Variants in EIPR1 observed in about 807,000 individuals in gnomAD.
EIPR1 encodes the protein EARP and GARP complex-interacting protein 1.
A neutral mutation model predicts 48.1 loss-of-function variants in EIPR1; 25 were observed. The observed-to-expected ratio is 0.52, with a 90% CI of 0.38 to 0.73. The LOEUF (loss-of-function observed/expected upper bound fraction) is 0.73, where lower values mean the gene tolerates loss of function less well. Ranked by LOEUF, EIPR1 falls within the 30% of genes least tolerant of loss-of-function variation. EIPR1 has a pLI of 0.00. For synonymous variants in EIPR1, 204 were observed against 201.9 expected, an observed-to-expected ratio of 1.01 and a Z score of -0.09; for missense variants, 415 against 506.2, an observed-to-expected ratio of 0.82 and a Z score of 1.73.
In EIPR1 at chr2:3,275,085, G is replaced by A. The variant is rs1031636363; in HGVS notation, c.260-17630C>T. Among the ~76,000 whole-genome samples the A allele has an allele frequency of 6.6e-5, 10 of 152,234 alleles. No individual in the cohort carries two copies. In the East Asian group the frequency reaches 1.2e-3, roughly 18 times the overall value. On this transcript the variant is annotated intron_variant, in intron 3 of 8. Transcript: ENST00000382125. The stretch of plus-strand genomic sequence containing the variant: ...GACAGGAATTATTACAAATAGATCA[G>A]TATTCACAATAACTATAAGGGACAT...
At chr2:3,205,505 T>A (rs1166809382) in intron 5 of EIPR1, among the ~76,000 whole-genome samples, 1 of 152,236 alleles carries the variant, frequency 6.6e-6, no homozygotes, top group Non-Finnish European at 1.5e-5. Flanking sequence ...AGCTGAGGCC[T>A]TCATGCTGTG....
intron 5 of EIPR1, among the ~76,000 whole-genome samples, chr2:3,213,930 C>T (rs991791211): frequency 6.6e-6 from 1 of 151,916 alleles, no homozygotes; most frequent in African/African-American, 2.4e-5. Flanking sequence ...ATACATGTGC[C>T]GTGTTGGTGT....
chr2:3,233,491 G>C (rs780853873), intron 4 of EIPR1, among the ~76,000 whole-genome samples: 2 of 152,164 alleles, frequency 1.3e-5, no homozygotes, highest in Non-Finnish European at 2.9e-5. Context: ...TGTCTTCCTA[G>C]AATGTGCATT....
chr2:3,283,551 G>A (rs1668080144), intron 3 of EIPR1, among the ~76,000 whole-genome samples: 1 of 152,232 alleles, frequency 6.6e-6, no homozygotes, highest in Non-Finnish European at 1.5e-5. Context: ...CCGGCACACT[G>A]GCCAAAACTC....
intron 4 of EIPR1, among the ~76,000 whole-genome samples, chr2:3,229,749 C>T (rs1009391566): frequency 2.0e-4 from 31 of 152,202 alleles, no homozygotes; most frequent in African/African-American, 7.2e-4. Flanking sequence ...CGGTGCTTTT[C>T]TATTTTTCAT....
chr2:3,346,107 C>T (rs558105810), intron 2 of EIPR1, among the ~76,000 whole-genome samples: 187 of 152,374 alleles, frequency 1.2e-3, no homozygotes, highest in African/African-American at 4.3e-3. Flanking sequence ...CCCCCTACAC[C>T]CCACAAACCG....
At chr2:3,199,586 CAG>C (rs1250780151) in intron 5 of EIPR1, among the ~76,000 whole-genome samples, 1 of 152,182 alleles carries the variant, frequency 6.6e-6, no homozygotes, top group East Asian at 1.9e-4. Flanking sequence ...ACTGGGGGGA[CAG>C]GGTACCCATG....
chr2:3,194,695 A>AGCG (rs60501467), intron 6 of EIPR1, among the ~76,000 whole-genome samples: 1 of 150,078 alleles, frequency 6.7e-6, no homozygotes, highest in African/African-American at 2.5e-5. Context: ...GAGAGAGAGA[A>AGCG]AGGGGGGGGC....
At chr2:3,269,528 G>C (rs1312494840) in intron 3 of EIPR1, among the ~76,000 whole-genome samples, 1 of 64,992 alleles carries the variant, frequency 1.5e-5, no homozygotes, top group African/African-American at 6.3e-5. Context: ...CTCAATCATC[G>C]CACTCAGTCA....
At chr2:3,351,147 C>A (rs193232842) in intron 2 of EIPR1, among the ~76,000 whole-genome samples, 6 of 151,872 alleles carry the variant, frequency 4.0e-5, no homozygotes, top group African/African-American at 1.5e-4. Context: ...ATTACAGGTG[C>A]GTGCCACCAC....
chr2:3,366,026 G>A (rs929706957), intron 1 of EIPR1, among the ~76,000 whole-genome samples: 20 of 152,100 alleles, frequency 1.3e-4, no homozygotes, highest in African/African-American at 4.3e-4. Flanking sequence ...TTTAAAAAGA[G>A]GCCCGGCATG....
intron 3 of EIPR1, among the ~76,000 whole-genome samples, chr2:3,304,182 C>T (rs1558285577): frequency 6.6e-6 from 1 of 152,174 alleles, no homozygotes; most frequent in Non-Finnish European, 1.5e-5. Context: ...CCCCACGGAG[C>T]GCCACGCAAG....
chr2:3,362,125 C>T (rs966308938), intron 1 of EIPR1, among the ~76,000 whole-genome samples: 2 of 152,228 alleles, frequency 1.3e-5, no homozygotes, highest in African/African-American at 4.8e-5. Context: ...TAAGCTTGGA[C>T]CTCAACTACC....
intron 2 of EIPR1, among the ~76,000 whole-genome samples, chr2:3,353,837 C>T (rs1466501695): frequency 6.6e-6 from 1 of 152,164 alleles, no homozygotes; most frequent in East Asian, 1.9e-4. Flanking sequence ...TATTTGAATG[C>T]CATTTCCCCT....
rs534062309 is a variant in EIPR1 at position 3,285,623 on chromosome 2, G to A, written c.260-28168C>T. 5.9e-5 allele frequency among the ~76,000 whole-genome samples: 9 copies of A among 152,326 alleles called. No homozygotes were observed. The South Asian group carries it at 6.2e-4, about 11-fold the overall frequency. On this transcript the variant is annotated intron_variant, in intron 3 of 8. Coordinates refer to ENST00000382125, the MANE Select transcript of EIPR1 (RefSeq NM_003310.5). ...GTGGAGCCTCAGCTTCTGATGCTGC[G>A]CAAGAGTTACTAACACATGGAGCAG...
At chr2:3,345,016 A>G (rs1396982808) in intron 2 of EIPR1, among the ~76,000 whole-genome samples, 6 of 152,198 alleles carry the variant, frequency 3.9e-5, no homozygotes, top group African/African-American at 1.4e-4. Context: ...AAGCCCAAAC[A>G]GTACACTCGG....
At chr2:3,350,876 A>G (rs1670551205) in intron 2 of EIPR1, among the ~76,000 whole-genome samples, 1 of 148,884 alleles carries the variant, frequency 6.7e-6, no homozygotes, top group South Asian at 2.1e-4. Flanking sequence ...GAACTCTTCA[A>G]TTTAGAAGAA....
chr2:3,366,264 T>C (rs1174969721), intron 1 of EIPR1, among the ~76,000 whole-genome samples: 1 of 152,088 alleles, frequency 6.6e-6, no homozygotes, highest in Non-Finnish European at 1.5e-5. Context: ...GCTGAGATTG[T>C]ACCACTGCAC....
chr2:3,353,901 C>T (rs770985210), intron 2 of EIPR1, among the ~76,000 whole-genome samples: 5 of 152,172 alleles, frequency 3.3e-5, no homozygotes, highest in South Asian at 2.1e-4. Flanking sequence ...CATGGCCTCC[C>T]GCACATTTTC....
Sources: gnomAD v4.1 joint callset for allele counts (sites outside exome capture counted in the v4.1 genomes callset) on GRCh38, gnomAD v4.1.1 for gene constraint, MANE v1.5 for transcripts, NCBI Gene and HGNC (gene_info 2026-07-23, HGNC 2026-07-21) for gene names.